Variants in SNW1 observed in about 807,000 individuals in gnomAD.
SNW1 encodes the protein SNW domain containing 1, also known as SNW domain-containing protein 1.
In SNW1, 9 loss-of-function variants were observed where a neutral mutation model predicts 75.6. The ratio of observed to expected loss-of-function variants is 0.12; its 90% CI spans 0.07 to 0.21. The LOEUF (loss-of-function observed/expected upper bound fraction) is 0.21. Ranked by LOEUF, SNW1 falls within the 10% of genes least tolerant of loss-of-function variation. The pLI is 1.00. For missense variants in SNW1, 409 were observed against 670.9 expected (o/e 0.61, Z 4.31); for synonymous variants, 200 against 219.1 (o/e 0.91, Z 0.77).
rs905472434 is a variant in SNW1, at chr14:77,718,912, T to C, written c.1249-382A>G. ...TTTTAGTAGAGACAGAGTTTCACCA[T>C]GTTGGCCAGGCTGGTCCTGAACCCC... On this transcript the variant is annotated intron_variant, in intron 12 of 13. Transcript: ENST00000261531. Among the ~76,000 whole-genome samples the C allele has an allele frequency of 4.6e-5, 7 of 152,264 alleles. 1 individual carries two copies. Among genetic ancestry groups the C allele is most frequent in the Admixed American group, 4.6e-4 (7 of 15,302 alleles).
chr14:77,719,798 TAAC>T lies in SNW1; in HGVS notation c.1248+910_1248+912del, dbSNP rs200099785. 7.2e-3 allele frequency among the ~76,000 whole-genome samples: 1,103 copies of T among 152,234 alleles called. 12 individuals carry two copies. The highest frequency in any genetic ancestry group is 0.041 in the Middle Eastern group (12 of 294). ...AGGATTTTTGTAAGAATTGAGATAA[TAAC>T]AAGACTTAGAACAATGCCAAGAATA... On this transcript the variant is annotated intron_variant, in intron 12 of 13. Transcript: ENST00000261531.
chr14:77,731,838 G>A (rs1311044219), intron 9 of SNW1, among the ~76,000 whole-genome samples: 1 of 151,964 alleles, frequency 6.6e-6, no homozygotes, highest in Non-Finnish European at 1.5e-5. Context: ...TCCTGGGTTC[G>A]AGAGATTCTC....
intron 8 of SNW1, among the ~76,000 whole-genome samples, chr14:77,733,572 CG>C (rs2080644066): frequency 1.3e-5 from 2 of 151,508 alleles, no homozygotes; most frequent in South Asian, 4.2e-4. Flanking sequence ...GGTGAAACCC[CG>C]TCTCTACCAA....
chr14:77,724,588 A>G (rs565767403), intron 10 of SNW1, among the ~76,000 whole-genome samples: 2 of 152,308 alleles, frequency 1.3e-5, no homozygotes, highest in South Asian at 4.1e-4. Flanking sequence ...TAGCTCCCAC[A>G]TACAAGTGGG....
intron 3 of SNW1, among the ~76,000 whole-genome samples, chr14:77,744,527 C>G (rs1428677146): frequency 6.6e-6 from 1 of 150,738 alleles, no homozygotes; most frequent in Non-Finnish European, 1.5e-5. Flanking sequence ...CTTTGGAGAC[C>G]TTATTTGGCC....
intron 10 of SNW1, among the ~76,000 whole-genome samples, chr14:77,728,786 A>G (rs1169822178): frequency 1.3e-5 from 2 of 152,210 alleles, no homozygotes; most frequent in Admixed American, 1.3e-4. Flanking sequence ...AGTCACAATA[A>G]TAGTATCACT....
chr14:77,728,191 T>C (rs1483378946), intron 10 of SNW1, among the ~76,000 whole-genome samples: 1 of 152,162 alleles, frequency 6.6e-6, no homozygotes, highest in Non-Finnish European at 1.5e-5. Context: ...GGCTCATGCC[T>C]GTAATCCCAG....
At chr14:77,729,588 A>G (rs903570925) in intron 10 of SNW1, among the ~76,000 whole-genome samples, 4 of 152,172 alleles carry the variant, frequency 2.6e-5, no homozygotes, top group Non-Finnish European at 1.5e-5. Context: ...AGGATGAGTA[A>G]GTTCTGGAGA....
chr14:77,741,132 T>C (rs923785354), intron 3 of SNW1, among the ~76,000 whole-genome samples: 1 of 151,610 alleles, frequency 6.6e-6, no homozygotes, highest in Non-Finnish European at 1.5e-5. Context: ...TCTCCTGTGC[T>C]TTATAATAAT....
chr14:77,755,801 C>T (rs1418679406), intron 1 of SNW1, among the ~76,000 whole-genome samples: 2 of 146,862 alleles, frequency 1.4e-5, no homozygotes, highest in Non-Finnish European at 3.0e-5. Flanking sequence ...TGCAGTGGCA[C>T]CATCTCAGCT....
In SNW1 at chr14:77,717,686, G is replaced by A. The variant is rs2080499414; in HGVS notation, c.*402C>T. On this transcript the variant is annotated 3_prime_UTR_variant, in exon 14 of 14. Coordinates refer to ENST00000261531, the MANE Select transcript of SNW1 (RefSeq NM_012245.3). ...CTCCAAATTAAAACAGAGCACAATAGGGGCAAAATTTATTTGGCAGGACAG... is the reference window on the plus strand; with the variant it reads ...CTCCAAATTAAAACAGAGCACAATAAGGGCAAAATTTATTTGGCAGGACAG... 1.2e-6 allele frequency: 1 copy of A among 841,296 alleles called. No homozygotes were observed. Among genetic ancestry groups the A allele is most frequent in the Non-Finnish European group, 1.9e-6 (1 of 535,592 alleles). 52.1% of individuals were successfully genotyped at this position (841,296 alleles called of 1,614,324 possible).
intron 3 of SNW1, among the ~76,000 whole-genome samples, chr14:77,741,222 GGT>G (rs1369992361): frequency 6.6e-6 from 1 of 151,274 alleles, no homozygotes; most frequent in Non-Finnish European, 1.5e-5. Flanking sequence ...ACATGCTAAA[GGT>G]GTTTATAGGC....
At chr14:77,723,349 A>G in intron 10 of SNW1, 72 bp from the exon 11 acceptor site, 2 of 1,157,534 alleles carry the variant, frequency 1.7e-6, no homozygotes, top group Admixed American at 3.5e-5. Context: ...ACGTGTGTAT[A>G]TATATAATTT....
chr14:77,722,999 G>C (rs1044482385), intron 11 of SNW1, 182 bp downstream of exon 11: 1 of 563,128 alleles, frequency 1.8e-6, no homozygotes, highest in Non-Finnish European at 3.2e-6. Context: ...CGCCTGCCAC[G>C]ACCATGCCCG....
rs141900145 is a variant in SNW1 at position 77,750,362 on chromosome 14, G to A, written c.330+957C>T. Among the ~76,000 whole-genome samples, 7 of 152,324 alleles carry A rather than the reference G, an allele frequency of 4.6e-5. No homozygotes were observed. In the East Asian group the frequency reaches 9.6e-4, roughly 21 times the overall value. ...TCTTTATATTCAAATAGATGGGGGA[G>A]TCACCTGCTAAGGATGAGATGGGAT... On this transcript the variant is annotated intron_variant, in intron 3 of 13. Transcript: ENST00000261531.
At chr14:77,752,187 G>T (rs1028900381) in intron 2 of SNW1, among the ~76,000 whole-genome samples, 2 of 152,102 alleles carry the variant, frequency 1.3e-5, no homozygotes, top group African/African-American at 4.8e-5. Flanking sequence ...AAATATAAAA[G>T]ATTTTTTCTT....
chr14:77,760,826 G>C, intron 1 of SNW1: 1 of 725,900 alleles, frequency 1.4e-6, no homozygotes. Context: ...AGCGCTGTCC[G>C]CTCCCCGCAA....
At position 77,761,150 on chromosome 14, in the gene SNW1, G is replaced by A; in HGVS notation, c.-23C>T. The A allele has an allele frequency of 1.2e-6, 2 of 1,614,242 alleles. No individual in the cohort carries two copies. The highest frequency in any genetic ancestry group is 8.5e-7 in the Non-Finnish European group (1 of 1,180,044). ...CATCTTCTTCCGCTTCTTCCAGCGCGAGCGACAGCACCGCTGGGCGGGTCT... is the reference window on the plus strand; with the variant it reads ...CATCTTCTTCCGCTTCTTCCAGCGCAAGCGACAGCACCGCTGGGCGGGTCT... On this transcript the variant is annotated 5_prime_UTR_variant, in exon 1 of 14. Transcript: ENST00000261531.
At chr14:77,719,360 G>A (rs888955610) in intron 12 of SNW1, among the ~76,000 whole-genome samples, 2 of 152,062 alleles carry the variant, frequency 1.3e-5, no homozygotes, top group Non-Finnish European at 2.9e-5. Context: ...GAAATTGGCT[G>A]GGCACAGTGG....
Sources: allele counts gnomAD v4.1 joint callset (sites outside exome capture counted in the v4.1 genomes callset), GRCh38; gene constraint gnomAD v4.1.1; transcripts MANE v1.5; gene names NCBI Gene and HGNC (gene_info 2026-07-23, HGNC 2026-07-21).